SHC2: variants seen among roughly 807,000 people sequenced by gnomAD.
SHC2 encodes the protein SHC-transforming protein 2.
Under a neutral mutation model 60.6 loss-of-function variants are expected in SHC2, and 62 were observed. The observed-to-expected ratio is 1.02, with a 90% CI of 0.83 to 1.26. The LOEUF (loss-of-function observed/expected upper bound fraction) is 1.26. SHC2 is among the 50% of genes most tolerant of loss of function. The pLI is 0.00. For synonymous variants in SHC2, 375 were observed against 372.4 expected (o/e 1.01, Z -0.08); for missense variants, 873 against 822.2 (o/e 1.06, Z -0.76).
At chr19:448,316 G>C (rs1465238106) in intron 1 of SHC2, among the ~76,000 whole-genome samples, 1 of 152,168 alleles carries the variant, frequency 6.6e-6, no homozygotes, top group Non-Finnish European at 1.5e-5. Flanking sequence ...GTCAAGCTGC[G>C]GGCAGGGCCT....
At position 438,873 on chromosome 19, in the gene SHC2, G is replaced by A; in HGVS notation, c.601-36C>T. 1 of 1,555,730 alleles carries A rather than the reference G, an allele frequency of 6.4e-7. No homozygotes were observed. Among genetic ancestry groups the A allele is most frequent in the South Asian group, 1.2e-5 (1 of 84,498 alleles). ...GGCGGAGCACAGCGAGGGCGGCTGTGGGTGGGGGCTGTCGAGGGGCTCCCA... is the reference window on the plus strand; with the variant it reads ...GGCGGAGCACAGCGAGGGCGGCTGTAGGTGGGGGCTGTCGAGGGGCTCCCA... On this transcript the variant is annotated intron_variant, in intron 3 of 12. Coordinates refer to ENST00000264554, the MANE Select transcript of SHC2 (RefSeq NM_012435.3). This position sits in a 1 kb window ranked among gnomAD's most constrained non-coding sequence, Gnocchi z 5.0.
chr19:431,397 C>T lies in SHC2; in HGVS notation c.1111-650G>A, dbSNP rs532864833. Among the ~76,000 whole-genome samples the T allele has an allele frequency of 5.2e-4, 61 of 117,930 alleles. 1 individual carries two copies. Among genetic ancestry groups the T allele is most frequent in the African/African-American group, 2.0e-3 (50 of 25,108 alleles). 77.4% of individuals were successfully genotyped at this position (117,930 alleles called of 152,430 possible). On this transcript the variant is annotated intron_variant, in intron 8 of 12. Coordinates refer to ENST00000264554, the MANE Select transcript of SHC2 (RefSeq NM_012435.3). ...GCCAGGCAGATAGATGGCACTTCATCGTGAGTGAGATCGTGAGTGAGAGTT... is the reference window on the plus strand; with the variant it reads ...GCCAGGCAGATAGATGGCACTTCATTGTGAGTGAGATCGTGAGTGAGAGTT...
In SHC2 at chr19:445,406, G is replaced by C. The variant is rs73507744; in HGVS notation, c.469-4474C>G. Among the ~76,000 whole-genome samples, 722 of 152,268 alleles carry C rather than the reference G, an allele frequency of 4.7e-3. 4 individuals are homozygous for C. Among genetic ancestry groups the C allele is most frequent in the African/African-American group, 0.017 (692 of 41,556 alleles). ...CAGACACTGAATCTTCCGGCGCCTC[G>C]ATCGTGGCCCTCCCAGCCTCCAGAA... On this transcript the variant is annotated intron_variant, in intron 1 of 12. Coordinates refer to ENST00000264554, the MANE Select transcript of SHC2 (RefSeq NM_012435.3). The surrounding 1 kb of genome is among the most constrained non-coding windows in gnomAD (Gnocchi z 4.4).
rs201973202 is a variant in SHC2 at position 438,993 on chromosome 19, C to A, written c.577G>T (p.Val193Phe). Residue 193 changes from valine to phenylalanine, a missense_variant, in exon 3 of 13, where the codon GTC (valine) becomes TTC (phenylalanine). Coordinates refer to ENST00000264554, the MANE Select transcript of SHC2 (RefSeq NM_012435.3). This position sits in a 1 kb window ranked among gnomAD's most constrained non-coding sequence, Gnocchi z 5.0. ...INRLHEAVPG[V>F]RGSWKKKAPN... ...ACCTTTTTCTTCCAGGATCCCCGGA[C>A]GCCAGGCACGGCCTCATGGAGCCGG... is the stretch of plus-strand genomic sequence containing the variant. 6.2e-7 allele frequency: 1 copy of A among 1,601,290 alleles called. No individual in the cohort carries two copies. Among genetic ancestry groups the A allele is most frequent in the South Asian group, 1.1e-5 (1 of 88,904 alleles).
chr19:455,196 C>T (rs968311277), intron 1 of SHC2, among the ~76,000 whole-genome samples: 2 of 152,210 alleles, frequency 1.3e-5, no homozygotes, highest in African/African-American at 2.4e-5. Flanking sequence ...ACCCCAGAGC[C>T]GCCGACCCCG....
At chr19:458,285 T>TTC (rs1975419568) in intron 1 of SHC2, among the ~76,000 whole-genome samples, 9 of 43,570 alleles carry the variant, frequency 2.1e-4, no homozygotes, top group South Asian at 9.1e-4. Context: ...GAGGCGGAAG[T>TTC]GGGTCCCGGG....
At chr19:426,027 T>G (rs1974407324) in intron 9 of SHC2, among the ~76,000 whole-genome samples, 2 of 111,828 alleles carry the variant, frequency 1.8e-5, no homozygotes, top group African/African-American at 7.4e-5. Context: ...AGACTCAGTC[T>G]CCAAAAAAAA....
At chr19:418,176 G>T (rs1480143851) in intron 12 of SHC2, among the ~76,000 whole-genome samples, 1 of 152,142 alleles carries the variant, frequency 6.6e-6, no homozygotes, top group Non-Finnish European at 1.5e-5. Context: ...CCGGCCTGAG[G>T]TATGGTCTTC....
intron 1 of SHC2, among the ~76,000 whole-genome samples, chr19:442,923 A>ATGGTTGGATGGATGGG (rs1568292891): frequency 1.0e-5 from 1 of 97,328 alleles, no homozygotes; most frequent in African/African-American, 4.0e-5. Context: ...GGGTGGGTGG[A>ATGGTTGGATGGATGGG]TGGGTGGATG....
At position 441,221 on chromosome 19, in the gene SHC2, C is replaced by T. The variant is rs1054845363; in HGVS notation, c.469-289G>A. ...TGCTTGTTCATTTAACCGTCTTGCC[C>T]TCGTCGGTCTCTTTCTGTTCCACCA... On this transcript the variant is annotated intron_variant, in intron 1 of 12. Transcript: ENST00000264554. This position sits in a 1 kb window ranked among gnomAD's most constrained non-coding sequence, Gnocchi z 4.9. 6 of 951,946 alleles carry T rather than the reference C, an allele frequency of 6.3e-6. No individual in the cohort carries two copies. The highest frequency in any genetic ancestry group is 7.5e-6 in the Non-Finnish European group (6 of 801,380). The allele number at this position is 951,946 out of a possible 1,614,324, so 59.0% of individuals were successfully genotyped here.
intron 1 of SHC2, among the ~76,000 whole-genome samples, chr19:458,524 T>TCCC (rs1975437964): frequency 1.1e-5 from 1 of 94,880 alleles, no homozygotes; most frequent in African/African-American, 4.3e-5. Flanking sequence ...AAGCGGGTCC[T>TCCC]GGGGAGGCGG....
intron 12 of SHC2, among the ~76,000 whole-genome samples, chr19:418,271 G>A (rs1265033548): frequency 2.0e-5 from 3 of 152,212 alleles, no homozygotes. Context: ...CTGGGAAGGA[G>A]GCCTGGACAC....
Position 442,475 on chromosome 19 carries a change from GTGGGTGGA to G in SHC2, c.469-1551_469-1544del, listed in dbSNP as rs372993049. Among the ~76,000 whole-genome samples, 641 of 108,082 alleles carry G rather than the reference GTGGGTGGA, an allele frequency of 5.9e-3. 40 individuals are homozygous for G. Among genetic ancestry groups the G allele is most frequent in the African/African-American group, 0.02 (480 of 24,600 alleles). 70.9% of individuals were successfully genotyped at this position (108,082 alleles called of 152,430 possible). The stretch of plus-strand genomic sequence containing the variant: ...GATGGATGAATGGGTGGGTGGATGG[GTGGGTGGA>G]TGGGTGGATGGATGGATGGACGGAT... On this transcript the variant is annotated intron_variant, in intron 1 of 12. Coordinates refer to ENST00000264554, the MANE Select transcript of SHC2 (RefSeq NM_012435.3).
intron 1 of SHC2, among the ~76,000 whole-genome samples, chr19:450,178 G>T (rs540672282): frequency 2.6e-5 from 4 of 151,912 alleles, no homozygotes; most frequent in East Asian, 1.9e-4. Context: ...GCTACAGGAG[G>T]GGGGGGACTC....
At chr19:459,184 T>TGTAGGGGGAAGGACCCCACTGAAGCCAGC (rs1568301433) in intron 1 of SHC2, among the ~76,000 whole-genome samples, 3 of 146,162 alleles carry the variant, frequency 2.1e-5, no homozygotes, top group Non-Finnish European at 3.0e-5. Context: ...CTCAACTCGG[T>TGTAGGGGGAAGGACCCCACTGAAGCCAGC]GTAGGGGGAA....
At chr19:451,381 CCACGT>C (rs1351383250) in intron 1 of SHC2, among the ~76,000 whole-genome samples, 2 of 151,982 alleles carry the variant, frequency 1.3e-5, no homozygotes, top group African/African-American at 2.4e-5. Context: ...ACGCCGTGGG[CCACGT>C]CGTATTTCAG....
intron 9 of SHC2, among the ~76,000 whole-genome samples, chr19:429,250 C>T (rs1407724763): frequency 7.0e-6 from 1 of 143,246 alleles, no homozygotes; most frequent in African/African-American, 2.6e-5. Context: ...AGTACCTATA[C>T]CCAACATGCA....
In SHC2 at chr19:422,318, C is replaced by T. The variant is rs149805575; in HGVS notation, c.1448G>A (p.Arg483His). 56 of 1,611,206 alleles carry T rather than the reference C, an allele frequency of 3.5e-5. No individual in the cohort carries two copies. Among genetic ancestry groups the T allele is most frequent in the Middle Eastern group, 3.3e-4 (2 of 6,056 alleles). The change falls in exon 11 of 13, where the codon CGT becomes CAT. Residue 483 changes from arginine (R) to histidine (H), a missense_variant. By Grantham distance (29) the Arg-to-His change is conservative. Coordinates refer to ENST00000264554, the MANE Select transcript of SHC2 (RefSeq NM_012435.3). The surrounding 1 kb of genome is among the most constrained non-coding windows in gnomAD (Gnocchi z 5.0). ...APVAPTEEQLRQEPWYHGRMS... is the reference protein window; with the variant it reads ...APVAPTEEQLHQEPWYHGRMS... Reference sequence around the variant, plus strand: ...CCGGCCGTGGTACCAGGGCTCCTGACGCAGCTGTTCCTCCGTGGGGGCCAC... The same window carrying T: ...CCGGCCGTGGTACCAGGGCTCCTGATGCAGCTGTTCCTCCGTGGGGGCCAC...
At chr19:447,488 T>G (rs940910572) in intron 1 of SHC2, among the ~76,000 whole-genome samples, 2 of 152,272 alleles carry the variant, frequency 1.3e-5, no homozygotes, top group East Asian at 3.9e-4. Flanking sequence ...TTTCAAAAAT[T>G]TGCATGAGAG....
Sources: allele counts gnomAD v4.1 joint callset (sites outside exome capture counted in the v4.1 genomes callset), GRCh38; gene constraint gnomAD v4.1.1; non-coding constraint Gnocchi (gnomAD v3.1); transcripts MANE v1.5; gene names NCBI Gene and HGNC (gene_info 2026-07-23, HGNC 2026-07-21).